Variants in CYB5D2 observed in about 807,000 individuals in gnomAD.
CYB5D2 encodes the protein neuferricin.
A neutral mutation model predicts 22.8 loss-of-function variants in CYB5D2; 23 were observed. That is an observed-to-expected ratio of 1.01 (90% CI 0.73 to 1.43). The LOEUF is 1.43. Ranked by LOEUF, CYB5D2 falls within the 40% of genes most tolerant of loss-of-function variation. The pLI, the probability that CYB5D2 is intolerant of heterozygous loss-of-function variation, is 0.00. For synonymous variants in CYB5D2, 170 were observed against 152.2 expected, an observed-to-expected ratio of 1.12 and a Z score of -0.86; for missense variants, 373 against 357.2, an observed-to-expected ratio of 1.04 and a Z score of -0.36.
In CYB5D2 at chr17:4,143,776, T is replaced by G. The variant is rs761002279; in HGVS notation, c.21T>G (p.Arg7=). The part of the protein sequence containing the change: MLRCGG[R]GLLLGLAVAA... The stretch of plus-strand genomic sequence containing the variant: ...TATAGATGTTGAGGTGCGGAGGCCG[T>G]GGGCTTTTGTTGGGCCTGGCTGTAG... Residue 7 remains arginine, a synonymous_variant, in exon 1 of 4, where the codon CGT becomes CGG. Transcript: ENST00000301391. 10 of 1,613,696 alleles carry G rather than the reference T, an allele frequency of 6.2e-6. No homozygotes were observed. The African/African-American group carries it at 1.1e-4, about 17-fold the overall frequency.
In CYB5D2 at chr17:4,144,021, C is replaced by T. The variant is rs766399875; in HGVS notation, c.250+16C>T. The T allele has an allele frequency of 1.3e-6, 2 of 1,572,692 alleles. No homozygotes were observed. Among genetic ancestry groups the T allele is most frequent in the Non-Finnish European group, 8.6e-7 (1 of 1,159,080 alleles). ...GGCTTCGCAGGTATCAGCGAGGCTG[C>T]TCACGCCTTTCTCTCCGCTGGCGCG... On this transcript the variant is annotated intron_variant, in intron 1 of 3. Transcript: ENST00000301391.
intron 1 of CYB5D2, among the ~76,000 whole-genome samples, chr17:4,146,056 T>C (rs1271690012): frequency 6.6e-6 from 1 of 151,914 alleles, no homozygotes; most frequent in East Asian, 1.9e-4. Context: ...GCTGAAAGTG[T>C]TGGGATTACA....
chr17:4,150,041 CCATAGGTCATACATTT>C lies in CYB5D2; in HGVS notation c.391+14_391+29del. 6.2e-7 allele frequency: 1 copy of C among 1,613,562 alleles called. No individual in the cohort carries two copies. On this transcript the variant is annotated intron_variant, in intron 2 of 3. Transcript: ENST00000301391. ...AATTATGTGTGTGTTGGTAAGTCGT[CCATAGGTCATACATTT>C]CATTTGGTTGTCTGCAGTGTTTTTA...
At chr17:4,151,206 C>T (rs1014628622) in intron 2 of CYB5D2, among the ~76,000 whole-genome samples, 5 of 152,064 alleles carry the variant, frequency 3.3e-5, no homozygotes, top group Non-Finnish European at 7.4e-5. Context: ...GCCTCTGCAG[C>T]ACGCCTTTCT....
chr17:4,145,277 C>T (rs1205121642), intron 1 of CYB5D2, among the ~76,000 whole-genome samples: 2 of 152,192 alleles, frequency 1.3e-5, no homozygotes, highest in Non-Finnish European at 2.9e-5. Flanking sequence ...AAGCCACTTC[C>T]CTCTGTCTAG....
chr17:4,154,174 T>G (rs1451813949), intron 2 of CYB5D2, among the ~76,000 whole-genome samples: 1 of 152,194 alleles, frequency 6.6e-6, no homozygotes, highest in Non-Finnish European at 1.5e-5. Context: ...CCGGGCACAG[T>G]GTGACTTACA....
chr17:4,154,842 T>C lies in CYB5D2; in HGVS notation c.560T>C (p.Leu187Pro). Residue 187 changes from leucine (L) to proline (P), a missense_variant, in exon 3 of 4, where the codon CTC becomes CCC. Physicochemically the swap from Leu to Pro is moderately conservative, Grantham distance 98. Transcript: ENST00000301391. ...AEWSSARGSR[L>P]WCSQKSGGVS... ...TGGAGCTCAGCCAGGGGCAGCCGGC[T>C]CTGGTGCTCCCAGAAGAGGTAAGCA... is the stretch of plus-strand genomic sequence containing the variant. 6.2e-7 allele frequency: 1 copy of C among 1,613,488 alleles called. No individual in the cohort carries two copies. The highest frequency in any genetic ancestry group is 8.5e-7 in the Non-Finnish European group (1 of 1,179,764).
intron 2 of CYB5D2, chr17:4,150,998 C>T (rs2059051591): frequency 6.6e-6 from 1 of 152,232 alleles, no homozygotes. Flanking sequence ...TGAGGAACAC[C>T]AGTATCACTT....
intron 1 of CYB5D2, among the ~76,000 whole-genome samples, chr17:4,145,644 G>A (rs1029492597): frequency 6.6e-6 from 1 of 152,200 alleles, no homozygotes; most frequent in Admixed American, 6.5e-5. Context: ...TGTGTCAGGG[G>A]CTGTGGAATC....
At position 4,144,099 on chromosome 17, in the gene CYB5D2, C is replaced by T. The variant is rs1191709894; in HGVS notation, c.250+94C>T. ...TTGGTTCATTATTCATCTATTTCCC[C>T]CCCCATCCCCACCCCACATCCATCA... On this transcript the variant is annotated intron_variant, in intron 1 of 3. Transcript: ENST00000301391. 4 of 1,473,696 alleles carry T rather than the reference C, an allele frequency of 2.7e-6. No homozygotes were observed. In the African/African-American group the frequency reaches 4.2e-5, roughly 16 times the overall value. 91.3% of individuals were successfully genotyped at this position (1,473,696 alleles called of 1,614,324 possible). A position where few individuals can be genotyped will look rare whatever the true frequency, so the allele number is the denominator to read the frequency against.
intron 1 of CYB5D2, among the ~76,000 whole-genome samples, chr17:4,144,517 A>G (rs896967525): frequency 1.3e-5 from 2 of 152,056 alleles, no homozygotes; most frequent in Admixed American, 6.6e-5. Flanking sequence ...GGCCCGTCAT[A>G]TAGTACATTT....
In CYB5D2 at chr17:4,143,626, CGCGAGCACTAGCGCGCGAGAGAGAGA is replaced by C; in HGVS notation, c.-124_-99del. The C allele has an allele frequency of 1.5e-6, 2 of 1,320,942 alleles. No individual in the cohort carries two copies. The highest frequency in any genetic ancestry group is 2.1e-6 in the Non-Finnish European group (2 of 965,606). 81.8% of individuals were successfully genotyped at this position (1,320,942 alleles called of 1,614,324 possible). ...AAACGAGAGAGACTAAGGGAGGGAG[CGCGAGCACTAGCGCGCGAGAGAGAGA>C]GCGAGAGCGCGCGCGCCGATGACGT... On this transcript the variant is annotated 5_prime_UTR_variant, in exon 1 of 4. Transcript: ENST00000301391.
rs1186600555 is a variant in CYB5D2 at position 4,143,754 on chromosome 17, A to G, written c.-2A>G. On this transcript the variant is annotated 5_prime_UTR_variant, in exon 1 of 4. In the 5' UTR this introduces an upstream ATG that the reference lacks. Coordinates refer to ENST00000301391, the MANE Select transcript of CYB5D2 (RefSeq NM_144611.4). ...AAGTGCGGAGCGGGTGGGCCTATATAGATGTTGAGGTGCGGAGGCCGTGGG... is the reference window on the plus strand; with the variant it reads ...AAGTGCGGAGCGGGTGGGCCTATATGGATGTTGAGGTGCGGAGGCCGTGGG... 3 of 1,612,748 alleles carry G rather than the reference A, an allele frequency of 1.9e-6. No homozygotes were observed. The African/African-American group carries it at 4.0e-5, about 22-fold the overall frequency.
rs369242670 is a variant in CYB5D2 at position 4,143,705 on chromosome 17, T to C, written c.-51T>C. Reference sequence around the variant, plus strand: ...CGCTCGGCGTCTCGGCCATCTTAGCTGTAGATAGAGGCGGCAACCTCGGAA... The same window carrying C: ...CGCTCGGCGTCTCGGCCATCTTAGCCGTAGATAGAGGCGGCAACCTCGGAA... On this transcript the variant is annotated 5_prime_UTR_variant, in exon 1 of 4. Transcript: ENST00000301391. 6 of 1,562,080 alleles carry C rather than the reference T, an allele frequency of 3.8e-6. No individual in the cohort carries two copies. Among genetic ancestry groups the C allele is most frequent in the Non-Finnish European group, 5.2e-6 (6 of 1,151,810 alleles).
intron 1 of CYB5D2, among the ~76,000 whole-genome samples, chr17:4,148,077 G>C (rs532887506): frequency 6.6e-6 from 1 of 152,200 alleles, no homozygotes; most frequent in Non-Finnish European, 1.5e-5. Context: ...GGGCTTCCTT[G>C]AGGTTTGCTG....
Position 4,143,613 on chromosome 17 carries a change from C to A in CYB5D2, c.-143C>A, listed in dbSNP as rs772078005. The A allele has an allele frequency of 5.0e-6, 6 of 1,201,302 alleles. No individual in the cohort carries two copies. Among genetic ancestry groups the A allele is most frequent in the African/African-American group, 1.5e-5 (1 of 65,026 alleles). 74.4% of individuals were successfully genotyped at this position (1,201,302 alleles called of 1,614,324 possible). A position where few individuals can be genotyped will look rare whatever the true frequency, so the allele number is the denominator to read the frequency against. ...AGGAATACAGATAAAACGAGAGAGA[C>A]TAAGGGAGGGAGCGCGAGCACTAGC... On this transcript the variant is annotated 5_prime_UTR_variant, in exon 1 of 4. Coordinates refer to ENST00000301391, the MANE Select transcript of CYB5D2 (RefSeq NM_144611.4).
chr17:4,146,735 C>T (rs1012695557), intron 1 of CYB5D2, among the ~76,000 whole-genome samples: 2 of 151,414 alleles, frequency 1.3e-5, no homozygotes, highest in Non-Finnish European at 2.9e-5. Flanking sequence ...GTAAAAATGT[C>T]ACCACTAACT....
At chr17:4,151,696 GAAAA>G (rs766300172) in intron 2 of CYB5D2, among the ~76,000 whole-genome samples, 13 of 148,980 alleles carry the variant, frequency 8.7e-5, no homozygotes, top group African/African-American at 3.2e-4. Flanking sequence ...CAAAAAAAAA[GAAAA>G]AAAAGAAAAA....
intron 1 of CYB5D2, among the ~76,000 whole-genome samples, chr17:4,147,226 G>A (rs990718598): frequency 1.3e-5 from 2 of 152,086 alleles, no homozygotes; most frequent in Admixed American, 6.5e-5. Flanking sequence ...AGCCAAGATC[G>A]CACCACTGCA....
Sources: gnomAD v4.1 joint callset for allele counts (sites outside exome capture counted in the v4.1 genomes callset) on GRCh38, gnomAD v4.1.1 for gene constraint, MANE v1.5 for transcripts, NCBI Gene and HGNC (gene_info 2026-07-23, HGNC 2026-07-21) for gene names.